The following PCDHA1 variants were observed in gnomAD, a reference collection of about 807,000 sequenced individuals.
PCDHA1 encodes the protein protocadherin alpha 1.
In PCDHA1, 42 loss-of-function variants were observed where a neutral mutation model predicts 61.3. That is an observed-to-expected ratio of 0.69 (90% CI 0.54 to 0.89). The LOEUF is 0.89. Among genes scored for constraint, PCDHA1 ranks in the 40% least tolerant of loss-of-function variants. PCDHA1 has a pLI of 0.00. For missense variants in PCDHA1, 1,256 were observed against 1,235.3 expected, an observed-to-expected ratio of 1.02 and a Z score of -0.25; for synonymous variants, 610 against 553.8, an observed-to-expected ratio of 1.10 and a Z score of -1.43.
At chr5:140,868,909 T>C (rs2050732260) in intron 1 of PCDHA1, 3 of 886,670 alleles carry the variant, frequency 3.4e-6, no homozygotes, top group Non-Finnish European at 5.0e-6. Context: ...CGCTCTTTAC[T>C]TGGTGGAAAG....
chr5:140,927,876 G>A lies in PCDHA1; in HGVS notation c.2395-51073G>A, dbSNP rs782412797. ...TAGCTAGCACCGCTAAACTGCTGGT[G>A]GAGGTGACTGACGTGAACGATCATG... On this transcript the variant is annotated intron_variant, in intron 1 of 3. Transcript: ENST00000504120. The A allele has an allele frequency of 1.9e-6, 3 of 1,614,202 alleles. No individual in the cohort carries two copies. The South Asian group carries it at 3.3e-5, about 18-fold the overall frequency.
chr5:140,915,966 T>C (rs1420384919), intron 1 of PCDHA1, among the ~76,000 whole-genome samples: 1 of 152,160 alleles, frequency 6.6e-6, no homozygotes, highest in Non-Finnish European at 1.5e-5. Flanking sequence ...ATTTGCCTGA[T>C]ATTTTATTTG....
At chr5:140,801,490 G>A (rs782381789) in intron 1 of PCDHA1, 7 of 1,614,006 alleles carry the variant, frequency 4.3e-6, no homozygotes, top group Middle Eastern at 1.7e-4. Context: ...CTGTGCGGGC[G>A]GAGCGCGGAG....
rs1554262820 is a variant in PCDHA1, at chr5:141,010,243, G to A, written c.*306G>A. On this transcript the variant is annotated 3_prime_UTR_variant, in exon 4 of 4. Coordinates refer to ENST00000504120, the MANE Select transcript of PCDHA1 (RefSeq NM_018900.4). The stretch of plus-strand genomic sequence containing the variant: ...TTCCCAGCCCCGCCAGTGAGAGGTT[G>A]GACTCTCTGCCCTGTGCTCCGGGGA... 1 of 1,551,890 alleles carries A rather than the reference G, an allele frequency of 6.4e-7. No individual in the cohort carries two copies. Among genetic ancestry groups the A allele is most frequent in the Non-Finnish European group, 8.7e-7 (1 of 1,147,036 alleles).
chr5:140,823,956 C>T (rs2150130724), intron 1 of PCDHA1: 3 of 1,613,908 alleles, frequency 1.9e-6, no homozygotes, highest in East Asian at 2.2e-5. Context: ...CGCAGCCCAC[C>T]GAGGCCGTGT....
At position 140,835,650 on chromosome 5, in the gene PCDHA1, C is replaced by T. The variant is rs2150240759; in HGVS notation, c.2394+46966C>T. The T allele has an allele frequency of 2.2e-5, 35 of 1,613,820 alleles. 1 individual carries two copies. The highest frequency in any genetic ancestry group is 2.2e-4 in the Admixed American group (13 of 59,994). On this transcript the variant is annotated intron_variant, in intron 1 of 3. Coordinates refer to ENST00000504120, the MANE Select transcript of PCDHA1 (RefSeq NM_018900.4). ...CCGCGAGAGTGTGTCCGCCTATGAG[C>T]TGGTGGTTACCGCGCGGGACGGGGG...
In PCDHA1 at chr5:140,787,006, C is replaced by A. The variant is rs1761344768; in HGVS notation, c.716C>A (p.Ala239Asp). ...ACCGTCCTCGACGTTAATGATAACG[C>A]CCCACTGTTTGACCAGGCCGTATAC... ...LITVLDVNDN[A>D]PLFDQAVYRV... Residue 239 changes from alanine (A) to aspartate (D), a missense_variant, in exon 1 of 4, where the codon GCC becomes GAC. Coordinates refer to ENST00000504120, the MANE Select transcript of PCDHA1 (RefSeq NM_018900.4). The A allele has an allele frequency of 4.3e-6, 7 of 1,614,038 alleles. No homozygotes were observed. The East Asian group carries it at 1.6e-4, about 36-fold the overall frequency.
chr5:141,005,714 A>AAG (rs2098233543), intron 3 of PCDHA1, among the ~76,000 whole-genome samples: 1 of 148,328 alleles, frequency 6.7e-6, no homozygotes, highest in Non-Finnish European at 1.5e-5. Flanking sequence ...AAAAAAAAAA[A>AAG]AAAAAAAAAA....
At chr5:140,841,254 A>G in intron 1 of PCDHA1, 9 of 1,510,716 alleles carry the variant, frequency 6.0e-6, no homozygotes, top group Non-Finnish European at 7.1e-6. Context: ...GGATTAAAAG[A>G]CTCTGAAAGT....
intron 1 of PCDHA1, chr5:140,795,281 T>C: frequency 6.2e-7 from 1 of 1,614,190 alleles, no homozygotes; most frequent in Non-Finnish European, 8.5e-7. Flanking sequence ...AGCATCCACG[T>C]GGAGGTGATC....
At chr5:140,878,897 A>G (rs1366976155) in intron 1 of PCDHA1, among the ~76,000 whole-genome samples, 1 of 152,232 alleles carries the variant, frequency 6.6e-6, no homozygotes, top group Non-Finnish European at 1.5e-5. Context: ...GACTACAGGC[A>G]GGCTCCACCA....
chr5:140,898,548 T>C (rs1445483717), intron 1 of PCDHA1, among the ~76,000 whole-genome samples: 2 of 152,252 alleles, frequency 1.3e-5, no homozygotes, highest in Non-Finnish European at 2.9e-5. Context: ...CATTTATCTA[T>C]GTCTCTGTTT....
Position 140,787,556 on chromosome 5 carries a change from G to C in PCDHA1, c.1266G>C (p.Glu422Asp), listed in dbSNP as rs782444613. 39 of 1,614,252 alleles carry C rather than the reference G, an allele frequency of 2.4e-5. No individual in the cohort carries two copies. Among genetic ancestry groups the C allele is most frequent in the Non-Finnish European group, 3.3e-5 (39 of 1,180,052 alleles). The part of the protein sequence containing the change: ...ALDRESLSVY[E>D]LVVTARDGGS... ...ATCGCGAGAGCCTGTCGGTCTATGA[G>C]CTGGTGGTGACCGCGCGGGACGGGG... Residue 422 changes from glutamate to aspartate, a missense_variant, in exon 1 of 4, where the codon GAG (glutamate) becomes GAC (aspartate). Transcript: ENST00000504120.
intron 1 of PCDHA1, chr5:140,871,382 A>G (rs781900960): frequency 1.2e-6 from 2 of 1,614,188 alleles, no homozygotes; most frequent in South Asian, 2.2e-5. Flanking sequence ...GTGTGCTCTG[A>G]GGAGGGCCCA....
At chr5:140,899,512 G>T (rs4386771) in intron 1 of PCDHA1, among the ~76,000 whole-genome samples, 1 of 152,040 alleles carries the variant, frequency 6.6e-6, no homozygotes, top group African/African-American at 2.4e-5. Flanking sequence ...TGCATATATT[G>T]CATCCCAGGG....
At position 140,947,028 on chromosome 5, in the gene PCDHA1, T is replaced by C. The variant is rs111523441; in HGVS notation, c.2395-31921T>C. Among the ~76,000 whole-genome samples the C allele has an allele frequency of 4.6e-3, 693 of 151,852 alleles. 1 individual carries two copies. Among genetic ancestry groups the C allele is most frequent in the Middle Eastern group, 6.8e-3 (2 of 294 alleles). ...AATGATAAATGTTTGAGGTAATGGA[T>C]ATACTAATTACCCTGATTTGATCAT... On this transcript the variant is annotated intron_variant, in intron 1 of 3. Transcript: ENST00000504120.
chr5:140,795,920 AG>A, intron 1 of PCDHA1: 1 of 1,613,890 alleles, frequency 6.2e-7, no homozygotes, highest in Non-Finnish European at 8.5e-7. Flanking sequence ...TACGAGATTC[AG>A]GTCACTGCAA....
intron 1 of PCDHA1, 193 bp downstream of exon 1, chr5:140,788,877 G>C (rs1287703220): frequency 3.8e-6 from 5 of 1,317,784 alleles, no homozygotes; most frequent in Non-Finnish European, 4.9e-6. Flanking sequence ...GAAAAATGTA[G>C]GGACAAATTG....
chr5:140,975,601 GA>G (rs781785883), intron 1 of PCDHA1, among the ~76,000 whole-genome samples: 1 of 152,192 alleles, frequency 6.6e-6, no homozygotes, highest in Non-Finnish European at 1.5e-5. Flanking sequence ...GCAATTTGTT[GA>G]TGTCTTCCAC....
Sources: allele counts gnomAD v4.1 joint callset (sites outside exome capture counted in the v4.1 genomes callset), GRCh38; gene constraint gnomAD v4.1.1; transcripts MANE v1.5; gene names NCBI Gene and HGNC (gene_info 2026-07-23, HGNC 2026-07-21).